Variants in PLIN2 observed in about 807,000 individuals in gnomAD.
PLIN2 encodes perilipin 2, also known as perilipin-2.
PLIN2 carries 33 observed loss-of-function variants against 30.6 expected under a neutral mutation model. The ratio of observed to expected loss-of-function variants is 1.08; its 90% CI spans 0.82 to 1.44. The LOEUF is 1.44. Ranked by LOEUF, PLIN2 falls within the 40% of genes most tolerant of loss-of-function variation. PLIN2 has a pLI of 0.00. For synonymous variants in PLIN2, 205 were observed against 201.1 expected (o/e 1.02, Z -0.16); for missense variants, 610 against 531.8 (o/e 1.15, Z -1.45).
At position 19,121,373 on chromosome 9, in the gene PLIN2, A is replaced by G. The variant is rs577086778; in HGVS notation, c.310-208T>C. 2.0e-5 allele frequency among the ~76,000 whole-genome samples: 3 copies of G among 152,062 alleles called. No homozygotes were observed. The South Asian group carries it at 6.2e-4, about 32-fold the overall frequency. ...CTGCCCTACCTGCCAATCCTTGGGA[A>G]TTGCAGGAGGAGCAAATGAAGTAAA... is the stretch of plus-strand genomic sequence containing the variant. On this transcript the variant is annotated intron_variant, in intron 4 of 7. Transcript: ENST00000276914.
chr9:19,112,013 C>G (rs143897339), downstream of PLIN2, among the ~76,000 whole-genome samples: 2,049 of 152,258 alleles, frequency 0.013, 18 homozygotes, highest in Admixed American at 0.022. Flanking sequence ...TACTACATGT[C>G]ACTGTCCCAC....
rs1481759543 is a variant in PLIN2 at position 19,126,308 on chromosome 9, C to T, written c.32G>A (p.Ser11Asn). The change falls in exon 3 of 8, where the codon AGT (serine) becomes AAT (asparagine). Residue 11 changes from serine to asparagine, a missense_variant and splice_region_variant. Ser to Asn is a conservative substitution (Grantham distance 46). Transcript: ENST00000276914. ...CAGGTTGACCACCCGAGTCACCACA[C>T]TCTGCAATCAAAGTAGGGAGGGTAT... MASVAVDPQP[S>N]VVTRVVNLPL... is the part of the protein sequence containing the mutation. The T allele has an allele frequency of 5.0e-6, 8 of 1,613,652 alleles. No individual in the cohort carries two copies. Among genetic ancestry groups the T allele is most frequent in the East Asian group, 4.5e-5 (2 of 44,886 alleles).
At chr9:19,125,293 C>G (rs530246246) in intron 3 of PLIN2, among the ~76,000 whole-genome samples, 1 of 152,222 alleles carries the variant, frequency 6.6e-6, no homozygotes, top group African/African-American at 2.4e-5. Flanking sequence ...TGGCTCACAC[C>G]TGTAGTCCTA....
intron 4 of PLIN2, among the ~76,000 whole-genome samples, chr9:19,122,839 C>A (rs113617888): frequency 2.0e-5 from 3 of 152,242 alleles, no homozygotes; most frequent in African/African-American, 7.2e-5. Flanking sequence ...CCACCCACCC[C>A]CTGCTGGTCC....
Position 19,126,188 on chromosome 9 carries a change from T to A in PLIN2, c.152A>T (p.Glu51Val). 1 of 1,614,210 alleles carries A rather than the reference T, an allele frequency of 6.2e-7. No homozygotes were observed. The highest frequency in any genetic ancestry group is 8.5e-7 in the Non-Finnish European group (1 of 1,180,030). Residue 51 changes from glutamate to valine, a missense_variant, in exon 3 of 8, where the codon GAG becomes GTG. By Grantham distance (121) the Glu-to-Val change is moderately radical. Coordinates refer to ENST00000276914, the MANE Select transcript of PLIN2 (RefSeq NM_001122.4). ...GGAGGTGATGGTCTTCACACCGTTC[T>A]CTGCCATCTCACACACAGACTTCAG... ...PYLKSVCEMA[E>V]NGVKTITSVA...
At position 19,121,032 on chromosome 9, in the gene PLIN2, C is replaced by A; in HGVS notation, c.443G>T (p.Ser148Ile). The change falls in exon 5 of 8, where the codon AGT becomes ATT. Residue 148 changes from serine to isoleucine, a missense_variant. Ser to Ile is a moderately radical substitution (Grantham distance 142, BLOSUM62 -2). Transcript: ENST00000276914. ...GACCACAGACTTGGTCTTCTCCACA[C>A]TGCCAGTCACTGCCCCTTTGGTCTT... The part of the protein sequence containing the change: ...MDKTKGAVTG[S>I]VEKTKSVVSG... 1 of 1,614,222 alleles carries A rather than the reference C, an allele frequency of 6.2e-7. No individual in the cohort carries two copies. Among genetic ancestry groups the A allele is most frequent in the Non-Finnish European group, 8.5e-7 (1 of 1,180,038 alleles).
chr9:19,108,914 AT>A (rs1818124806), intron 2 of PLIN2, among the ~76,000 whole-genome samples: 1 of 152,248 alleles, frequency 6.6e-6, no homozygotes, highest in South Asian at 2.1e-4. Flanking sequence ...CCCTCATACT[AT>A]AAAAGCACTA....
At chr9:19,121,235 C>A in intron 4 of PLIN2, 70 bp from the exon 5 acceptor site, 1 of 1,374,878 alleles carries the variant, frequency 7.3e-7, no homozygotes, top group Non-Finnish European at 1.0e-6. Flanking sequence ...AAGGTCTTAA[C>A]TAAGGCAGCA....
In PLIN2 at chr9:19,125,283, T is replaced by G. The variant is rs1447315367; in HGVS notation, c.226+831A>C. Among the ~76,000 whole-genome samples, 3 of 152,228 alleles carry G rather than the reference T, an allele frequency of 2.0e-5. No individual in the cohort carries two copies. The South Asian group carries it at 6.2e-4, about 31-fold the overall frequency. ...AAAACTCATTCATGGCCAGGCATGG[T>G]GGCTCACACCTGTAGTCCTAGCACT... is the stretch of plus-strand genomic sequence containing the variant. On this transcript the variant is annotated intron_variant, in intron 3 of 7. Coordinates refer to ENST00000276914, the MANE Select transcript of PLIN2 (RefSeq NM_001122.4).
chr9:19,108,998 T>C (rs1209473913), intron 2 of PLIN2, among the ~76,000 whole-genome samples: 1 of 152,214 alleles, frequency 6.6e-6, no homozygotes, highest in Non-Finnish European at 1.5e-5. Flanking sequence ...AAATACCAGA[T>C]ATAAAGCATT....
intron 3 of PLIN2, 109 bp from the exon 4 acceptor site, chr9:19,123,756 C>T (rs1413694234): frequency 3.4e-5 from 30 of 870,388 alleles, no homozygotes; most frequent in East Asian, 1.1e-4. Flanking sequence ...CACGGTGGCT[C>T]ACGCCTGTAA....
At chr9:19,113,044 G>C (rs1393798956), downstream of PLIN2, among the ~76,000 whole-genome samples, 1 of 151,878 alleles carries the variant, frequency 6.6e-6, no homozygotes, top group Non-Finnish European at 1.5e-5. Flanking sequence ...GTATGTTCAG[G>C]ATAAGAAAGC....
At chr9:19,109,540 GAAA>G (rs34665873) in intron 2 of PLIN2, among the ~76,000 whole-genome samples, 1 of 127,574 alleles carries the variant, frequency 7.8e-6, no homozygotes. Context: ...GACTCTGTCT[GAAA>G]AAAAAAAAAA....
intron 4 of PLIN2, among the ~76,000 whole-genome samples, chr9:19,122,750 C>T (rs1818338428): frequency 6.6e-6 from 1 of 152,124 alleles, no homozygotes; most frequent in African/African-American, 2.4e-5. Context: ...AACCCTAACC[C>T]TCTTGTGAAC....
chr9:19,117,469 G>C (rs1291975073), intron 7 of PLIN2, among the ~76,000 whole-genome samples: 1 of 151,956 alleles, frequency 6.6e-6, no homozygotes, highest in African/African-American at 2.4e-5. Context: ...AAGATGCTAT[G>C]CCTTCCCTCT....
intron 3 of PLIN2, 45 bp from the exon 4 acceptor site, chr9:19,123,692 A>G (rs373591254): frequency 6.0e-6 from 9 of 1,510,430 alleles, no homozygotes; most frequent in Admixed American, 3.5e-5. Flanking sequence ...CTATAGGTAT[A>G]GAATGAACAC....
At chr9:19,116,713 C>T in intron 7 of PLIN2, 64 bp from the exon 8 acceptor site, 1 of 1,414,614 alleles carries the variant, frequency 7.1e-7, no homozygotes, top group East Asian at 2.3e-5. Flanking sequence ...AGTTCGATGA[C>T]AGTAGGCTGG....
chr9:19,121,221 AC>A (rs1259133627), intron 4 of PLIN2, 56 bp from the exon 5 acceptor site: 1 of 1,501,228 alleles, frequency 6.7e-7, no homozygotes. Flanking sequence ...ACAAGGACAT[AC>A]CTAAGGTCTT....
chr9:19,110,981 G>C (rs1321627573), downstream of PLIN2, among the ~76,000 whole-genome samples: 1 of 152,030 alleles, frequency 6.6e-6, no homozygotes, highest in Non-Finnish European at 1.5e-5. Context: ...AGGCAATTCT[G>C]TCTACCTCCC....
Sources: allele counts gnomAD v4.1 joint callset (sites outside exome capture counted in the v4.1 genomes callset), GRCh38; gene constraint gnomAD v4.1.1; transcripts MANE v1.5; gene names NCBI Gene and HGNC (gene_info 2026-07-23, HGNC 2026-07-21).